Variants in SHISA9 observed in about 807,000 individuals in gnomAD.
SHISA9 encodes protein shisa-9.
Under a neutral mutation model 38.0 loss-of-function variants are expected in SHISA9, and 13 were observed. The observed-to-expected ratio is 0.34, with a 90% CI of 0.22 to 0.54. SHISA9 has a LOEUF of 0.54. SHISA9 is among the 20% of genes least tolerant of loss of function. The probability of loss-of-function intolerance (pLI) is 0.91; values close to 1 mark genes in which losing one functional copy is unlikely to be tolerated. For missense variants in SHISA9, 538 were observed against 575.8 expected (o/e 0.93, Z 0.67); for synonymous variants, 275 against 242.0 (o/e 1.14, Z -1.27).
intron 2 of SHISA9, among the ~76,000 whole-genome samples, chr16:13,199,306 T>G (rs1429159185): frequency 6.6e-6 from 1 of 152,224 alleles, no homozygotes; most frequent in Non-Finnish European, 1.5e-5. Context: ...AGCTTACTAA[T>G]GTCCTTGGGC....
chr16:13,355,015 T>G, the SHISA9 span, among the ~76,000 whole-genome samples: 3 of 148,558 alleles, frequency 2.0e-5, no homozygotes, highest in South Asian at 2.3e-4. Flanking sequence ...AGGCTGGGAT[T>G]AAGGGTGCAA....
chr16:13,194,479 G>C (rs1010567436), intron 2 of SHISA9, among the ~76,000 whole-genome samples: 10 of 152,210 alleles, frequency 6.6e-5, no homozygotes, highest in African/African-American at 2.4e-4. Context: ...CTACAAAATG[G>C]AGTTGATAAT....
chr16:13,134,820 G>A (rs938937415), intron 2 of SHISA9, among the ~76,000 whole-genome samples: 6 of 152,110 alleles, frequency 3.9e-5, no homozygotes, highest in Non-Finnish European at 7.4e-5. Context: ...CCAATGTATG[G>A]AGTGCCTCTA....
chr16:13,353,315 C>A, the SHISA9 span, among the ~76,000 whole-genome samples: 1 of 152,078 alleles, frequency 6.6e-6, no homozygotes, highest in Non-Finnish European at 1.5e-5. Context: ...AGGAGAAAAA[C>A]AGGTATAAAA....
At chr16:12,902,836 G>T (rs1336980133) in intron 1 of SHISA9, 1 of 575,346 alleles carries the variant, frequency 1.7e-6, no homozygotes, top group Non-Finnish European at 3.0e-6. Context: ...GAGCGTGTTC[G>T]TGTGTGTGTG....
chr16:12,967,799 G>A (rs1276641934), intron 2 of SHISA9, among the ~76,000 whole-genome samples: 3 of 152,070 alleles, frequency 2.0e-5, no homozygotes, highest in African/African-American at 7.2e-5. Flanking sequence ...AACAGTTATT[G>A]CAATGTTGCT....
At chr16:13,104,351 T>C (rs1037049039) in intron 2 of SHISA9, among the ~76,000 whole-genome samples, 34 of 151,974 alleles carry the variant, frequency 2.2e-4, no homozygotes, top group Admixed American at 9.2e-4. Flanking sequence ...CTCCTAGGCA[T>C]CCACCCAAGA....
the SHISA9 span, among the ~76,000 whole-genome samples, chr16:13,412,769 A>G: frequency 3.3e-5 from 5 of 151,796 alleles, no homozygotes; most frequent in East Asian, 9.6e-4. Flanking sequence ...AGGTAGGAGG[A>G]TCACTTTAGC....
the SHISA9 span, among the ~76,000 whole-genome samples, chr16:13,257,897 C>G: frequency 6.6e-6 from 1 of 152,110 alleles, no homozygotes; most frequent in African/African-American, 2.4e-5. Flanking sequence ...CCTGTGCTTT[C>G]CATGTTCTTT....
chr16:13,066,034 A>G (rs1220879901), intron 2 of SHISA9, among the ~76,000 whole-genome samples: 1 of 152,212 alleles, frequency 6.6e-6, no homozygotes, highest in Non-Finnish European at 1.5e-5. Flanking sequence ...GGGTCTTTCC[A>G]GACCTCTCTA....
the SHISA9 span, among the ~76,000 whole-genome samples, chr16:13,268,673 T>C: frequency 2.0e-5 from 3 of 152,172 alleles, no homozygotes; most frequent in East Asian, 5.8e-4. Flanking sequence ...TTTCCTTTTT[T>C]AGTGTAGTGG....
At chr16:13,431,692 T>C in the SHISA9 span, among the ~76,000 whole-genome samples, 23 of 152,370 alleles carry the variant, frequency 1.5e-4, no homozygotes, top group Non-Finnish European at 5.9e-5. Flanking sequence ...CTCAGCTCCC[T>C]GCCTTCTCAT....
At chr16:13,192,996 G>C (rs1485770608) in intron 2 of SHISA9, among the ~76,000 whole-genome samples, 2 of 152,176 alleles carry the variant, frequency 1.3e-5, no homozygotes, top group African/African-American at 4.8e-5. Context: ...AAACAAAAAA[G>C]CATAGATCTG....
At chr16:12,955,181 G>C (rs1368723593) in intron 2 of SHISA9, among the ~76,000 whole-genome samples, 1 of 151,974 alleles carries the variant, frequency 6.6e-6, no homozygotes, top group Non-Finnish European at 1.5e-5. Flanking sequence ...CCTGACAAAG[G>C]CTCTAGACAA....
chr16:13,021,753 C>A (rs34905344), intron 2 of SHISA9, among the ~76,000 whole-genome samples: 8 of 151,918 alleles, frequency 5.3e-5, no homozygotes, highest in African/African-American at 1.9e-4. Context: ...CTAGAATACC[C>A]CCTGTGTCAT....
chr16:13,233,711 T>G (rs778320802), intron 4 of SHISA9, among the ~76,000 whole-genome samples: 1 of 152,246 alleles, frequency 6.6e-6, no homozygotes, highest in African/African-American at 2.4e-5. Context: ...CAATCCCTGA[T>G]GTAAATTAAG....
the SHISA9 span, among the ~76,000 whole-genome samples, chr16:13,408,069 T>C: frequency 2.0e-5 from 3 of 151,634 alleles, no homozygotes; most frequent in Admixed American, 6.6e-5. Flanking sequence ...ACTCTGTTGA[T>C]AATTTCTTTT....
intron 2 of SHISA9, among the ~76,000 whole-genome samples, chr16:13,135,142 A>G (rs1319816154): frequency 6.6e-6 from 1 of 152,242 alleles, no homozygotes; most frequent in African/African-American, 2.4e-5. Context: ...ATTCTTCCAT[A>G]GGGAAGAACA....
At chr16:13,303,394 G>T in the SHISA9 span, among the ~76,000 whole-genome samples, 2 of 152,182 alleles carry the variant, frequency 1.3e-5, no homozygotes, top group Non-Finnish European at 2.9e-5. Flanking sequence ...TTGAAATATT[G>T]CTCAGCCATA....
Sources: allele counts gnomAD v4.1 joint callset (sites outside exome capture counted in the v4.1 genomes callset), GRCh38; gene constraint gnomAD v4.1.1; transcripts MANE v1.5; gene names NCBI Gene and HGNC (gene_info 2026-07-23, HGNC 2026-07-21).